The following CNTNAP4 variants were observed in gnomAD, a reference collection of about 807,000 sequenced individuals.
CNTNAP4 encodes contactin-associated protein-like 4.
CNTNAP4 carries 98 observed loss-of-function variants against 148.4 expected under a neutral mutation model. The observed-to-expected ratio is 0.66, with a 90% CI of 0.56 to 0.78. The LOEUF is 0.78. Among genes scored for constraint, CNTNAP4 ranks in the 30% least tolerant of loss-of-function variants. The pLI, the probability that CNTNAP4 is intolerant of heterozygous loss-of-function variation, is 0.00. For missense variants in CNTNAP4, 1,935 were observed against 1,565.6 expected (o/e 1.24, Z -3.98); for synonymous variants, 730 against 565.1 (o/e 1.29, Z -4.14).
intron 2 of CNTNAP4, among the ~76,000 whole-genome samples, chr16:76,348,875 G>T (rs183992719): frequency 1.0e-3 from 159 of 151,480 alleles, no homozygotes; most frequent in African/African-American, 3.7e-3. Flanking sequence ...AAAATAGAAT[G>T]GGGTCAAGAG....
intron 17 of CNTNAP4, among the ~76,000 whole-genome samples, chr16:76,533,940 T>A (rs1279209104): frequency 1.3e-5 from 2 of 152,200 alleles, no homozygotes; most frequent in Non-Finnish European, 2.9e-5. Context: ...TACAGCAATT[T>A]GGATATAGTT....
At chr16:76,426,553 C>G (rs2079412463) in intron 3 of CNTNAP4, among the ~76,000 whole-genome samples, 1 of 152,186 alleles carries the variant, frequency 6.6e-6, no homozygotes, top group South Asian at 2.1e-4. Flanking sequence ...GTAGTCTTAA[C>G]AGTGTGCTGT....
chr16:76,409,208 T>C (rs548669987), intron 3 of CNTNAP4, among the ~76,000 whole-genome samples: 1 of 152,106 alleles, frequency 6.6e-6, no homozygotes, highest in East Asian at 1.9e-4. Flanking sequence ...CTCAGATACA[T>C]TTATTTTAAT....
At chr16:76,452,850 A>C in intron 8 of CNTNAP4, 81 bp downstream of exon 8, 1 of 1,248,410 alleles carries the variant, frequency 8.0e-7, no homozygotes, top group Non-Finnish European at 1.1e-6. Context: ...ATGCATAACC[A>C]AAAATGTAAT....
intron 11 of CNTNAP4, 29 bp downstream of exon 11, chr16:76,476,074 C>A (rs766465662): frequency 6.8e-7 from 1 of 1,472,338 alleles, no homozygotes; most frequent in South Asian, 1.1e-5. Flanking sequence ...CTTTTTCTTG[C>A]CCCTGTGATG....
At chr16:76,282,369 G>C (rs1485597430) in intron 1 of CNTNAP4, among the ~76,000 whole-genome samples, 2 of 151,836 alleles carry the variant, frequency 1.3e-5, no homozygotes, top group African/African-American at 2.4e-5. Flanking sequence ...GTTCAATGAA[G>C]TATATAAGTA....
intron 8 of CNTNAP4, among the ~76,000 whole-genome samples, chr16:76,453,407 G>T (rs1391055055): frequency 6.6e-6 from 1 of 152,132 alleles, no homozygotes; most frequent in Non-Finnish European, 1.5e-5. Flanking sequence ...ATGAGTATCT[G>T]GATAATGAAT....
At chr16:76,370,410 C>G (rs2014666047) in intron 3 of CNTNAP4, among the ~76,000 whole-genome samples, 1 of 152,142 alleles carries the variant, frequency 6.6e-6, no homozygotes. Context: ...ATTATGGAAG[C>G]AGTGGGTATC....
chr16:76,545,479 G>T (rs979919545), intron 21 of CNTNAP4, among the ~76,000 whole-genome samples: 1 of 152,138 alleles, frequency 6.6e-6, no homozygotes, highest in African/African-American at 2.4e-5. Flanking sequence ...GTCATAGGCA[G>T]GTGGTCCCCG....
chr16:76,479,318 G>A, intron 11 of CNTNAP4, 101 bp from the exon 12 acceptor site: 3 of 1,089,596 alleles, frequency 2.8e-6, no homozygotes, highest in South Asian at 4.1e-5. Flanking sequence ...GGTCAGTAAT[G>A]TACATTTTAA....
At chr16:76,292,851 A>C (rs904927750) in intron 1 of CNTNAP4, among the ~76,000 whole-genome samples, 1 of 152,246 alleles carries the variant, frequency 6.6e-6, no homozygotes, top group African/African-American at 2.4e-5. Context: ...CTTCAGATTT[A>C]GAATTTTGAA....
chr16:76,485,938 G>T (rs1320765621), intron 12 of CNTNAP4, among the ~76,000 whole-genome samples: 1 of 152,124 alleles, frequency 6.6e-6, no homozygotes, highest in Non-Finnish European at 1.5e-5. Context: ...TGCTCTTAGG[G>T]TCTTTATCAC....
Position 76,508,964 on chromosome 16 carries a change from G to T in CNTNAP4, c.2365+10270G>T, listed in dbSNP as rs1329259455. On this transcript the variant is annotated intron_variant, in intron 15 of 23. Coordinates refer to ENST00000611870, the MANE Select transcript of CNTNAP4 (RefSeq NM_033401.5). ...GACGTGGTTTCACCATGTTAGCCAG[G>T]ATGGTCTCGATCTCCTGACCTTGTG... Among the ~76,000 whole-genome samples, 6 of 94,962 alleles carry T rather than the reference G, an allele frequency of 6.3e-5. 3 individuals are homozygous for T. The highest frequency in any genetic ancestry group is 1.8e-4 in the Non-Finnish European group (6 of 33,602). The allele number at this position is 94,962 out of a possible 152,430, so 62.3% of individuals were successfully genotyped here.
intron 13 of CNTNAP4, among the ~76,000 whole-genome samples, chr16:76,491,216 C>G (rs899152259): frequency 1.4e-4 from 22 of 152,120 alleles, no homozygotes; most frequent in Non-Finnish European, 2.8e-4. Flanking sequence ...CTTTCTGGAA[C>G]CCACACCAAA....
At chr16:76,318,099 A>C (rs573188040) in intron 2 of CNTNAP4, among the ~76,000 whole-genome samples, 1 of 152,264 alleles carries the variant, frequency 6.6e-6, no homozygotes, top group East Asian at 1.9e-4. Context: ...TGGCCATTCC[A>C]GGCCCTGTAC....
intron 3 of CNTNAP4, among the ~76,000 whole-genome samples, chr16:76,372,239 A>G (rs1282368325): frequency 6.8e-6 from 1 of 146,960 alleles, no homozygotes; most frequent in Non-Finnish European, 1.5e-5. Flanking sequence ...TCCCAGGTCC[A>G]TGCCATTCTC....
At chr16:76,372,137 A>AT (rs2014896739) in intron 3 of CNTNAP4, among the ~76,000 whole-genome samples, 1 of 119,960 alleles carries the variant, frequency 8.3e-6, no homozygotes, top group South Asian at 2.6e-4. Context: ...TTCCAGCCCA[A>AT]ATTTTTTTTT....
intron 17 of CNTNAP4, among the ~76,000 whole-genome samples, chr16:76,531,202 G>A (rs964603613): frequency 6.6e-6 from 1 of 152,132 alleles, no homozygotes; most frequent in Non-Finnish European, 1.5e-5. Context: ...TTCAAGCACA[G>A]CACATGAATA....
At chr16:76,444,179 G>A (rs1012884025) in intron 4 of CNTNAP4, among the ~76,000 whole-genome samples, 1 of 152,072 alleles carries the variant, frequency 6.6e-6, no homozygotes, top group African/African-American at 2.4e-5. Flanking sequence ...ATATTCAACA[G>A]GACAATAAAC....
Sources: allele counts gnomAD v4.1 joint callset (sites outside exome capture counted in the v4.1 genomes callset), GRCh38; gene constraint gnomAD v4.1.1; transcripts MANE v1.5; gene names NCBI Gene and HGNC (gene_info 2026-07-23, HGNC 2026-07-21).